CERS2: variants seen among roughly 807,000 people sequenced by gnomAD.
The protein encoded by CERS2 is LAG1 homolog, ceramide synthase 2.
In CERS2, 20 loss-of-function variants were observed where a neutral mutation model predicts 56.6. That is an observed-to-expected ratio of 0.35 (90% CI 0.25 to 0.51). The LOEUF (loss-of-function observed/expected upper bound fraction) is 0.51, where lower values mean the gene tolerates loss of function less well. Among genes scored for constraint, CERS2 ranks in the 20% least tolerant of loss-of-function variants. The pLI is 0.96. For missense variants in CERS2, 361 were observed against 488.6 expected (o/e 0.74, Z 2.46); for synonymous variants, 187 against 175.4 (o/e 1.07, Z -0.52).
intron 1 of CERS2, chr1:150,974,132 C>G (rs1316977525): frequency 6.6e-6 from 1 of 152,476 alleles, no homozygotes; most frequent in Non-Finnish European, 1.5e-5. Flanking sequence ...GAAAACGGGG[C>G]AGGGCCCTCC....
At chr1:150,969,134 A>T in intron 1 of CERS2, 43 bp from the exon 2 acceptor site, 2 of 1,569,838 alleles carry the variant, frequency 1.3e-6, no homozygotes, top group Non-Finnish European at 8.7e-7. Context: ...GGGAGTAGCT[A>T]TGGAGGAAGA....
At chr1:150,972,217 G>A (rs1415802220) in intron 1 of CERS2, among the ~76,000 whole-genome samples, 2 of 152,166 alleles carry the variant, frequency 1.3e-5, no homozygotes, top group Non-Finnish European at 2.9e-5. Flanking sequence ...GCAGATTAAT[G>A]GGGGCTTTTA....
Position 150,966,571 on chromosome 1 carries a change from A to C in CERS2, c.907T>G (p.Tyr303Asp). 1 of 1,614,120 alleles carries C rather than the reference A, an allele frequency of 6.2e-7. No homozygotes were observed. Among genetic ancestry groups the C allele is most frequent in the East Asian group, 2.2e-5 (1 of 44,888 alleles). ...LELYPAFFGYYFFNSMMGVLQ... is the reference protein window; with the variant it reads ...LELYPAFFGYDFFNSMMGVLQ... Reference sequence around the variant, plus strand: ...ACTCCCATCATGGAATTGAAGAAGTAATAGCCAAAGAAGGCAGGATAGAGC... The same window carrying C: ...ACTCCCATCATGGAATTGAAGAAGTCATAGCCAAAGAAGGCAGGATAGAGC... The change falls in exon 10 of 11, where the codon TAC (tyrosine) becomes GAC (aspartate). Residue 303 changes from tyrosine (Y) to aspartate (D), a missense_variant. Physicochemically the swap from Tyr to Asp is radical, Grantham distance 160. Transcript: ENST00000368954.
At position 150,966,984 on chromosome 1, in the gene CERS2, T is replaced by C. The variant is rs1367410659; in HGVS notation, c.741+90A>G. On this transcript the variant is annotated intron_variant, in intron 8 of 10. Transcript: ENST00000368954. Reference sequence around the variant, plus strand: ...CTCCTTGGTCCCAGGAATGTCATCCTCCAAATTCCCACCCCGCACCTCCCT... The same window carrying C: ...CTCCTTGGTCCCAGGAATGTCATCCCCCAAATTCCCACCCCGCACCTCCCT... 4 of 1,534,942 alleles carry C rather than the reference T, an allele frequency of 2.6e-6. No individual in the cohort carries two copies. The East Asian group carries it at 9.0e-5, about 35-fold the overall frequency.
chr1:150,968,551 G>C lies in CERS2; in HGVS notation c.174-39C>G, dbSNP rs765892040. 14 of 1,482,966 alleles carry C rather than the reference G, an allele frequency of 9.4e-6. No individual in the cohort carries two copies. In the South Asian group the frequency reaches 1.5e-4, roughly 16 times the overall value. The allele number at this position is 1,482,966 out of a possible 1,614,324, so 91.9% of individuals were successfully genotyped here. The stretch of plus-strand genomic sequence containing the variant: ...ATGAGTAAGGTATCTAGCTTGCTGG[G>C]AAGGGAAAGGGCTGCAAGCTAAGGC... On this transcript the variant is annotated intron_variant, in intron 2 of 10. Transcript: ENST00000368954.
At chr1:150,968,335 C>T in intron 3 of CERS2, 60 bp downstream of exon 3, 2 of 1,514,800 alleles carry the variant, frequency 1.3e-6, no homozygotes, top group Non-Finnish European at 1.8e-6. Flanking sequence ...ACATTCAAAC[C>T]CTGTCCCCCC....
intron 2 of CERS2, among the ~76,000 whole-genome samples, 188 bp downstream of exon 2, chr1:150,968,730 G>A (rs1460742808): frequency 1.3e-5 from 2 of 152,186 alleles, no homozygotes; most frequent in African/African-American, 4.8e-5. Context: ...TTGATGGAAA[G>A]GGCCTGGGGG....
In CERS2 at chr1:150,968,488, G is replaced by A; in HGVS notation, c.198C>T (p.Ala66=). The A allele has an allele frequency of 6.2e-7, 1 of 1,614,098 alleles. No homozygotes were observed. The highest frequency in any genetic ancestry group is 8.5e-7 in the Non-Finnish European group (1 of 1,179,946). The change falls in exon 3 of 11, where the codon GCC becomes GCT. Residue 66 remains alanine (A), a synonymous_variant. Coordinates refer to ENST00000368954, the MANE Select transcript of CERS2 (RefSeq NM_022075.5). ...GAGTTTTCTCCTTTATGTTCAAGAG[G>A]GCAGCCAGTGGTGTAGCCACGTACC... ...FELYVATPLA[A]LLNIKEKTRL... is the part of the protein sequence containing the mutation.
rs7550809 is a variant in CERS2, at chr1:150,965,905, G to C, written c.*243C>G. The C allele has an allele frequency of 1.9e-5, 8 of 429,328 alleles. No individual in the cohort carries two copies. In the South Asian group the frequency reaches 3.6e-4, roughly 19 times the overall value. The allele number at this position is 429,328 out of a possible 1,614,324, so 26.6% of individuals were successfully genotyped here. A position where few individuals can be genotyped will look rare whatever the true frequency, so the allele number is the denominator to read the frequency against. The stretch of plus-strand genomic sequence containing the variant: ...AAAGCAGTAGAAAGGATGACTTGGC[G>C]GGTAGGGAGGAAAATACGACCGTCC... On this transcript the variant is annotated 3_prime_UTR_variant, in exon 11 of 11. Transcript: ENST00000368954.
chr1:150,968,230 T>G (rs1019466237), intron 3 of CERS2, 29 bp from the exon 4 acceptor site: 3 of 1,601,972 alleles, frequency 1.9e-6, no homozygotes, highest in Admixed American at 1.7e-5. Context: ...CCCATTGTTA[T>G]GTTTACCTTC....
At position 150,967,877 on chromosome 1, in the gene CERS2, G is replaced by A. The variant is rs879004237; in HGVS notation, c.411C>T (p.Ser137=). The A allele has an allele frequency of 4.3e-6, 7 of 1,612,596 alleles. No homozygotes were observed. The South Asian group carries it at 4.4e-5, about 10-fold the overall frequency. ...CAATCAGGTAAAATGTGAATCTCCAGCTGGCAGAGGAAGCAGAAATGGCTA... is the reference window on the plus strand; with the variant it reads ...CAATCAGGTAAAATGTGAATCTCCAACTGGCAGAGGAAGCAGAAATGGCTA... The part of the protein sequence containing the change: ...PSLLKKFREA[S]WRFTFYLIAF... The change falls in exon 5 of 11, where the codon AGC becomes AGT. Residue 137 remains serine, a splice_region_variant and synonymous_variant. Coordinates refer to ENST00000368954, the MANE Select transcript of CERS2 (RefSeq NM_022075.5).
intron 3 of CERS2, 51 bp from the exon 4 acceptor site, chr1:150,968,252 G>A: frequency 1.3e-6 from 2 of 1,563,916 alleles, no homozygotes; most frequent in Non-Finnish European, 1.8e-6. Context: ...GAACTCAGCA[G>A]CATCCCCAGC....
chr1:150,969,104 C>A lies in CERS2; in HGVS notation c.-1-13G>T, dbSNP rs369047019. 7 of 1,612,420 alleles carry A rather than the reference C, an allele frequency of 4.3e-6. No individual in the cohort carries two copies. The highest frequency in any genetic ancestry group is 1.3e-5 in the African/African-American group (1 of 74,926). Reference sequence around the variant, plus strand: ...GGTCTGGAGCATCCTGAGTGAGGGGCAAAGGGGAGGGCATCAAGAGGGAGT... The same window carrying A: ...GGTCTGGAGCATCCTGAGTGAGGGGAAAAGGGGAGGGCATCAAGAGGGAGT... On this transcript the variant is annotated splice_polypyrimidine_tract_variant and intron_variant, in intron 1 of 10. Transcript: ENST00000368954.
chr1:150,969,051 G>A lies in CERS2; in HGVS notation c.40C>T (p.Leu14=). The change falls in exon 2 of 11, where the codon CTG becomes TTG. Residue 14 remains leucine (L), a synonymous_variant. Coordinates refer to ENST00000368954, the MANE Select transcript of CERS2 (RefSeq NM_022075.5). The part of the protein sequence containing the change: ...TLYDYFWWER[L]WLPVNLTWAD... ...CAGGTCAAGTTCACAGGCAGCCACA[G>A]ACGTTCCCACCAGAAGTAATCATAC... The A allele has an allele frequency of 6.2e-7, 1 of 1,614,138 alleles. No individual in the cohort carries two copies.
chr1:150,968,753 A>C (rs1671100073), intron 2 of CERS2, among the ~76,000 whole-genome samples, 165 bp downstream of exon 2: 1 of 152,200 alleles, frequency 6.6e-6, no homozygotes, highest in Non-Finnish European at 1.5e-5. Context: ...CTGAGCCTTC[A>C]GGAAGACAAT....
intron 1 of CERS2, among the ~76,000 whole-genome samples, chr1:150,972,127 G>A (rs1220859896): frequency 1.3e-5 from 2 of 152,212 alleles, no homozygotes; most frequent in Non-Finnish European, 2.9e-5. Flanking sequence ...CACCTGGGCA[G>A]TGCAACTTCC....
rs1465092386 is a variant in CERS2, at chr1:150,965,388, C to T, written c.*760G>A. On this transcript the variant is annotated 3_prime_UTR_variant, in exon 11 of 11. Coordinates refer to ENST00000368954, the MANE Select transcript of CERS2 (RefSeq NM_022075.5). ...CGTAATTCTGGCTTTAAAACCAAAACCCCAAATATTTAATAAATAAAAATT... is the reference window on the plus strand; with the variant it reads ...CGTAATTCTGGCTTTAAAACCAAAATCCCAAATATTTAATAAATAAAAATT... The T allele has an allele frequency of 6.6e-6, 1 of 152,418 alleles. No homozygotes were observed. The highest frequency in any genetic ancestry group is 1.9e-4 in the East Asian group (1 of 5,192). 9.4% of individuals were successfully genotyped at this position (152,418 alleles called of 1,614,324 possible).
chr1:150,973,553 G>C (rs1671235923), intron 1 of CERS2, among the ~76,000 whole-genome samples: 1 of 150,970 alleles, frequency 6.6e-6, no homozygotes, highest in Non-Finnish European at 1.5e-5. Flanking sequence ...ATCACGGTAT[G>C]GTCAGCGCCA....
At chr1:150,971,631 C>G (rs1459444281) in intron 1 of CERS2, among the ~76,000 whole-genome samples, 2 of 151,892 alleles carry the variant, frequency 1.3e-5, no homozygotes, top group Non-Finnish European at 2.9e-5. Flanking sequence ...CTGAACTGAA[C>G]AAAATTAAAT....
Sources: gnomAD v4.1 joint callset for allele counts (sites outside exome capture counted in the v4.1 genomes callset) on GRCh38, gnomAD v4.1.1 for gene constraint, MANE v1.5 for transcripts, NCBI Gene and HGNC (gene_info 2026-07-23, HGNC 2026-07-21) for gene names.